The following RLF variants were observed in gnomAD, a reference collection of about 807,000 sequenced individuals.
RLF encodes RLF zinc finger.
A neutral mutation model predicts 162.9 loss-of-function variants in RLF; 7 were observed. That is an observed-to-expected ratio of 0.04 (90% CI 0.02 to 0.08). The LOEUF is 0.08. Ranked by LOEUF, RLF falls within the 10% of genes least tolerant of loss-of-function variation. The pLI, the probability that RLF is intolerant of heterozygous loss-of-function variation, is 1.00. For synonymous variants in RLF, 782 were observed against 791.5 expected, an observed-to-expected ratio of 0.99 and a Z score of 0.20; for missense variants, 1,664 against 2,244.7, an observed-to-expected ratio of 0.74 and a Z score of 5.23.
rs140504973 is a variant in RLF, at chr1:40,236,189, G to T, written c.1487G>T (p.Gly496Val). 4.3e-6 allele frequency: 7 copies of T among 1,613,868 alleles called. No individual in the cohort carries two copies. Among genetic ancestry groups the T allele is most frequent in the Non-Finnish European group, 5.9e-6 (7 of 1,179,962 alleles). The change falls in exon 8 of 8, where the codon GGC (glycine) becomes GTC (valine). Residue 496 changes from glycine to valine, a missense_variant. Transcript: ENST00000372771. This position sits in a 1 kb window ranked among gnomAD's most constrained non-coding sequence, Gnocchi z 7.7. ...TCAGATTCTGATGATGATTTAAGTGGCTATGAAATGTCCATTAATGACACA... is the reference window on the plus strand; with the variant it reads ...TCAGATTCTGATGATGATTTAAGTGTCTATGAAATGTCCATTAATGACACA... ...EASDSDDDLSGYEMSINDTDV... is the reference protein window; with the variant it reads ...EASDSDDDLSVYEMSINDTDV...
At chr1:40,215,113 G>A (rs771108219) in intron 5 of RLF, among the ~76,000 whole-genome samples, 1 of 151,998 alleles carries the variant, frequency 6.6e-6, no homozygotes, top group Non-Finnish European at 1.5e-5. Context: ...CAGCAAACTT[G>A]TCCAGTCTGA....
At position 40,237,272 on chromosome 1, in the gene RLF, T is replaced by C. The variant is rs1488258309; in HGVS notation, c.2570T>C (p.Leu857Pro). ...EKQDCINQPH[L>P]LNQTDKSHLP... is the part of the protein sequence containing the mutation. ...CAAGATTGTATTAATCAGCCCCATC[T>C]ACTTAACCAAACTGATAAATCACAT... Residue 857 changes from leucine (L) to proline (P), a missense_variant, in exon 8 of 8, where the codon CTA becomes CCA. By Grantham distance (98) the Leu-to-Pro change is moderately conservative. This residue lies in a region of RLF where 295 missense variants were observed against 317.4 expected (regional missense o/e 0.93). Coordinates refer to ENST00000372771, the MANE Select transcript of RLF (RefSeq NM_012421.4). This position sits in a 1 kb window ranked among gnomAD's most constrained non-coding sequence, Gnocchi z 4.4. 5.6e-6 allele frequency: 9 copies of C among 1,613,974 alleles called. No individual in the cohort carries two copies. Among genetic ancestry groups the C allele is most frequent in the Non-Finnish European group, 6.8e-6 (8 of 1,180,008 alleles).
chr1:40,205,769 G>A (rs61781766), intron 5 of RLF, among the ~76,000 whole-genome samples: 7,907 of 152,208 alleles, frequency 0.052, 602 homozygotes, highest in African/African-American at 0.17. Context: ...GGGATTACAG[G>A]CGTGAGCCAC....
At chr1:40,186,790 A>G (rs1642487491) in intron 1 of RLF, among the ~76,000 whole-genome samples, 2 of 152,316 alleles carry the variant, frequency 1.3e-5, no homozygotes, top group Admixed American at 6.5e-5. Context: ...TGGTGAATGT[A>G]TTCAGCAGAC....
chr1:40,180,812 T>G (rs1013919731), intron 1 of RLF, among the ~76,000 whole-genome samples: 1 of 152,202 alleles, frequency 6.6e-6, no homozygotes, highest in East Asian at 1.9e-4. Context: ...GATATAAGAT[T>G]TGCTGTATTT....
At chr1:40,217,030 G>A (rs1390557369) in intron 5 of RLF, among the ~76,000 whole-genome samples, 2 of 152,136 alleles carry the variant, frequency 1.3e-5, no homozygotes, top group African/African-American at 2.4e-5. Context: ...ACCTGGGTGA[G>A]AGAGTGAGAC....
At chr1:40,165,788 C>G (rs11584362) in intron 1 of RLF, among the ~76,000 whole-genome samples, 7 of 152,052 alleles carry the variant, frequency 4.6e-5, no homozygotes, top group South Asian at 2.1e-4. Context: ...TCCTCCCCCC[C>G]CTCCGCCAAA....
chr1:40,182,519 T>C (rs1228779146), intron 1 of RLF, among the ~76,000 whole-genome samples: 1 of 152,182 alleles, frequency 6.6e-6, no homozygotes, highest in African/African-American at 2.4e-5. Flanking sequence ...GGTGGTGGTA[T>C]TATGGGTTAT....
At chr1:40,178,058 A>ATG in intron 1 of RLF, 1 of 67,830 alleles carries the variant, frequency 1.5e-5, no homozygotes, top group East Asian at 2.8e-4. Context: ...AATAAAAAAC[A>ATG]TATATATATA....
intron 3 of RLF, 98 bp downstream of exon 3, chr1:40,190,951 T>A (rs1642549149): frequency 1.6e-6 from 1 of 611,156 alleles, no homozygotes; most frequent in East Asian, 3.0e-5. Flanking sequence ...AAAAACAAGT[T>A]TATTATATAT....
intron 5 of RLF, among the ~76,000 whole-genome samples, chr1:40,206,836 T>C (rs1267031744): frequency 6.6e-6 from 1 of 152,176 alleles, no homozygotes; most frequent in Admixed American, 6.5e-5. Context: ...ACAAGATAAT[T>C]TGAATGGCTT....
chr1:40,222,139 C>T (rs1366182720), intron 5 of RLF, among the ~76,000 whole-genome samples: 1 of 151,922 alleles, frequency 6.6e-6, no homozygotes, highest in African/African-American at 2.4e-5. Flanking sequence ...CCTGAACTGG[C>T]CTCCTTTAGC....
chr1:40,180,953 T>C (rs1642398175), intron 1 of RLF, among the ~76,000 whole-genome samples: 1 of 152,202 alleles, frequency 6.6e-6, no homozygotes, highest in African/African-American at 2.4e-5. Context: ...AGTCAAAAAA[T>C]AGTTGCCAAA....
chr1:40,165,444 C>T (rs960882439), intron 1 of RLF, among the ~76,000 whole-genome samples: 4 of 152,148 alleles, frequency 2.6e-5, no homozygotes, highest in Non-Finnish European at 5.9e-5. Flanking sequence ...CCGTGTCTTT[C>T]CCTTTCATTG....
chr1:40,240,875 C>T lies in RLF; in HGVS notation c.*428C>T, dbSNP rs1274752909. 1.9e-5 allele frequency: 3 copies of T among 154,142 alleles called. No individual in the cohort carries two copies. Among genetic ancestry groups the T allele is most frequent in the Non-Finnish European group, 2.9e-5 (2 of 69,244 alleles). 9.5% of individuals were successfully genotyped at this position (154,142 alleles called of 1,614,324 possible). A position where few individuals can be genotyped will look rare whatever the true frequency, so the allele number is the denominator to read the frequency against. On this transcript the variant is annotated 3_prime_UTR_variant, in exon 8 of 8. Coordinates refer to ENST00000372771, the MANE Select transcript of RLF (RefSeq NM_012421.4). ...TGTAATATATTGTACACTACAGCAT[C>T]TTATATTTTTTGAGTTGAGTTTCAA...
At chr1:40,233,321 T>G (rs1643176378) in intron 7 of RLF, among the ~76,000 whole-genome samples, 1 of 152,172 alleles carries the variant, frequency 6.6e-6, no homozygotes, top group Non-Finnish European at 1.5e-5. Context: ...CTGGTTACTT[T>G]TCTTTGAAAA....
At chr1:40,193,183 C>G (rs908361111) in intron 3 of RLF, among the ~76,000 whole-genome samples, 5 of 148,358 alleles carry the variant, frequency 3.4e-5, no homozygotes, top group African/African-American at 1.2e-4. Flanking sequence ...TTGTAGATTT[C>G]AAGAACTGGG....
Position 40,240,471 on chromosome 1 carries a change from G to T in RLF, c.*24G>T, listed in dbSNP as rs764799713. 8 of 1,548,344 alleles carry T rather than the reference G, an allele frequency of 5.2e-6. No homozygotes were observed. In the Admixed American group the frequency reaches 1.2e-4, roughly 23 times the overall value. Reference sequence around the variant, plus strand: ...AAGTAGCAATTTTGTTTTAGTAACAGACTGGCTCCAACACTGCAACATGGG... The same window carrying T: ...AAGTAGCAATTTTGTTTTAGTAACATACTGGCTCCAACACTGCAACATGGG... On this transcript the variant is annotated 3_prime_UTR_variant, in exon 8 of 8. Transcript: ENST00000372771.
At position 40,238,466 on chromosome 1, in the gene RLF, C is replaced by T. The variant is rs557463951; in HGVS notation, c.3764C>T (p.Thr1255Ile). ...HPKKDECSSE[T>I]DLESSCEETE... is the part of the protein sequence containing the mutation. The stretch of plus-strand genomic sequence containing the variant: ...AAAAAGGATGAATGTAGTTCTGAAA[C>T]AGATTTGGAATCATCTTGTGAAGAA... The change falls in exon 8 of 8, where the codon ACA becomes ATA. Residue 1255 changes from threonine (T) to isoleucine (I), a missense_variant. Around this residue, in one of 15 missense-constraint regions of RLF, gnomAD observed 102 missense variants for 109.5 expected, o/e 0.93. Coordinates refer to ENST00000372771, the MANE Select transcript of RLF (RefSeq NM_012421.4). This position sits in a 1 kb window ranked among gnomAD's most constrained non-coding sequence, Gnocchi z 5.2. 6.2e-7 allele frequency: 1 copy of T among 1,614,080 alleles called. No homozygotes were observed. Among genetic ancestry groups the T allele is most frequent in the East Asian group, 2.2e-5 (1 of 44,866 alleles).
Sources: gnomAD v4.1 joint callset for allele counts (sites outside exome capture counted in the v4.1 genomes callset) on GRCh38, gnomAD v4.1.1 for gene constraint, gnomAD v4.1.1 regional missense constraint, Gnocchi (gnomAD v3.1) non-coding constraint, MANE v1.5 for transcripts, NCBI Gene and HGNC (gene_info 2026-07-23, HGNC 2026-07-21) for gene names.